GIT2: variants seen among roughly 807,000 people sequenced by gnomAD.
GIT2 encodes GIT ArfGAP 2.
GIT2 carries 32 observed loss-of-function variants against 100.3 expected under a neutral mutation model. The observed-to-expected ratio is 0.32, with a 90% CI of 0.24 to 0.43. The LOEUF is 0.43. GIT2 is among the 20% of genes least tolerant of loss of function. The pLI, the probability that GIT2 is intolerant of heterozygous loss-of-function variation, is 1.00. For synonymous variants in GIT2, 353 were observed against 364.1 expected, an observed-to-expected ratio of 0.97 and a Z score of 0.35; for missense variants, 737 against 975.1, an observed-to-expected ratio of 0.76 and a Z score of 3.25.
intron 4 of GIT2, 123 bp from the exon 5 acceptor site, chr12:109,983,817 G>A: frequency 1.5e-6 from 1 of 650,134 alleles, no homozygotes; most frequent in Non-Finnish European, 2.7e-6. Flanking sequence ...ATTTGTCTCG[G>A]TAAAGTGCAT....
chr12:109,967,336 A>T, intron 8 of GIT2, 122 bp downstream of exon 8: 1 of 1,597,794 alleles, frequency 6.3e-7, no homozygotes, highest in Non-Finnish European at 8.5e-7. Flanking sequence ...TCCAAATGGT[A>T]TAGCCATAAA....
chr12:109,981,062 A>G lies in GIT2; in HGVS notation c.624-16T>C, dbSNP rs749697263. On this transcript the variant is annotated splice_polypyrimidine_tract_variant and intron_variant, in intron 6 of 19. Coordinates refer to ENST00000355312, the MANE Select transcript of GIT2 (RefSeq NM_057169.5). ...CCCTCCTTGCCTACCAAGAGAAAAC[A>G]AAGTACCATTTATATTGCTCACTAT... The G allele has an allele frequency of 6.5e-7, 1 of 1,541,590 alleles. No homozygotes were observed. The highest frequency in any genetic ancestry group is 9.0e-7 in the Non-Finnish European group (1 of 1,113,578).
intron 7 of GIT2, among the ~76,000 whole-genome samples, chr12:109,975,598 G>T (rs936473866): frequency 3.9e-5 from 6 of 151,912 alleles, no homozygotes; most frequent in African/African-American, 1.2e-4. Flanking sequence ...CTATTGATAT[G>T]TACGGACTTA....
In GIT2 at chr12:109,947,506, T is replaced by C; in HGVS notation, c.1393-2A>G. 1 of 1,610,606 alleles carries C rather than the reference T, an allele frequency of 6.2e-7. No individual in the cohort carries two copies. Among genetic ancestry groups the C allele is most frequent in the African/African-American group, 1.3e-5 (1 of 74,920 alleles). On this transcript the variant is annotated splice_acceptor_variant, in intron 14 of 19. Coordinates refer to ENST00000355312, the MANE Select transcript of GIT2 (RefSeq NM_057169.5). LOFTEE classifies it high-confidence loss of function. This position sits in a 1 kb window ranked among gnomAD's most constrained non-coding sequence, Gnocchi z 4.3. ...ATTTTCACTCTGGAGTGTTTGAAGC[T>C]GAAAGAAATGTTTGGCAGTGGGACT...
At chr12:109,943,039 A>G (rs1875234471) in intron 16 of GIT2, 1 of 152,224 alleles carries the variant, frequency 6.6e-6, no homozygotes, top group African/African-American at 2.4e-5. Flanking sequence ...ATAGGTTTGC[A>G]GTTTTCTCTG....
chr12:109,969,817 G>A (rs1048195473), intron 7 of GIT2, among the ~76,000 whole-genome samples: 3 of 151,898 alleles, frequency 2.0e-5, no homozygotes, highest in African/African-American at 4.8e-5. Context: ...GTGCAGTGGT[G>A]TGATCTCGGT....
intron 7 of GIT2, among the ~76,000 whole-genome samples, chr12:109,969,535 T>C (rs1426705957): frequency 4.6e-5 from 7 of 152,168 alleles, no homozygotes; most frequent in African/African-American, 9.7e-5. Flanking sequence ...TTTGGTGTTA[T>C]ATTTAAGAGG....
rs139549885 is a variant in GIT2 at position 109,945,346 on chromosome 12, C to T, written c.1645G>A (p.Gly549Arg). ...MRLQPFPAHI[G>R]RSALVTSSSS... ...GAGGAGGTCACAAGTGCACTCCTCC[C>T]GATCTGGAATGGGAAAGAGAAACAC... is the stretch of plus-strand genomic sequence containing the variant. Residue 549 changes from glycine (G) to arginine (R), a missense_variant, in exon 16 of 20, where the codon GGG becomes AGG. Transcript: ENST00000355312. 115 of 1,467,460 alleles carry T rather than the reference C, an allele frequency of 7.8e-5. No homozygotes were observed. Among genetic ancestry groups the T allele is most frequent in the Non-Finnish European group, 1.1e-4 (113 of 1,047,808 alleles). 90.9% of individuals were successfully genotyped at this position (1,467,460 alleles called of 1,614,324 possible).
chr12:109,955,114 C>G (rs142205726), intron 12 of GIT2, among the ~76,000 whole-genome samples: 23 of 151,934 alleles, frequency 1.5e-4, no homozygotes, highest in African/African-American at 5.1e-4. Context: ...TCTTGTTATG[C>G]TTGGTAGTTA....
chr12:109,988,716 G>A (rs1034259704), intron 4 of GIT2, among the ~76,000 whole-genome samples: 1 of 151,842 alleles, frequency 6.6e-6, no homozygotes, highest in Non-Finnish European at 1.5e-5. Context: ...AGCTGGGCAT[G>A]GTGGCATGCG....
In GIT2 at chr12:109,996,305, G is replaced by A. The variant is rs757813637; in HGVS notation, c.-81C>T. On this transcript the variant is annotated 5_prime_UTR_variant, in exon 1 of 20. Coordinates refer to ENST00000355312, the MANE Select transcript of GIT2 (RefSeq NM_057169.5). ...GTGGCGGCGGCGCTTCCGCTCTAAC[G>A]GGTCCCAGCTGCGGCGGCGCTGACG... 1.0e-5 allele frequency: 10 copies of A among 982,854 alleles called. No individual in the cohort carries two copies. Among genetic ancestry groups the A allele is most frequent in the Non-Finnish European group, 1.4e-5 (9 of 666,158 alleles). 60.9% of individuals were successfully genotyped at this position (982,854 alleles called of 1,614,324 possible). A position where few individuals can be genotyped will look rare whatever the true frequency, so the allele number is the denominator to read the frequency against.
chr12:109,983,781 T>C (rs1426225864), intron 4 of GIT2, 87 bp from the exon 5 acceptor site: 2 of 786,000 alleles, frequency 2.5e-6, no homozygotes. Context: ...TTTTAATATA[T>C]GTTACATCAG....
At chr12:109,997,597 G>A (rs1216777395), upstream of GIT2, 1 of 152,168 alleles carries the variant, frequency 6.6e-6, no homozygotes, top group Non-Finnish European at 1.5e-5. Context: ...TAAAGAAAAA[G>A]AGGAAGAAGA....
At chr12:109,946,567 T>C (rs184582477) in intron 15 of GIT2, among the ~76,000 whole-genome samples, 46 of 152,322 alleles carry the variant, frequency 3.0e-4, no homozygotes, top group African/African-American at 1.1e-3. Flanking sequence ...AAAATAAGAT[T>C]GTAAGAACCC....
At chr12:109,956,328 C>T (rs937477317) in intron 12 of GIT2, among the ~76,000 whole-genome samples, 2 of 152,056 alleles carry the variant, frequency 1.3e-5, no homozygotes, top group African/African-American at 2.4e-5. Context: ...TGATCCTGGG[C>T]GGTAGGGGGC....
chr12:109,994,933 A>C (rs148778241), intron 1 of GIT2, among the ~76,000 whole-genome samples: 6 of 152,336 alleles, frequency 3.9e-5, no homozygotes, highest in African/African-American at 1.4e-4. Flanking sequence ...CTATCTTCAA[A>C]GGAAACTGGT....
At chr12:109,990,147 C>G (rs973507387) in intron 2 of GIT2, among the ~76,000 whole-genome samples, 6 of 152,182 alleles carry the variant, frequency 3.9e-5, no homozygotes, top group Non-Finnish European at 8.8e-5. Context: ...ATATTATTCA[C>G]TTAATATTTG....
intron 4 of GIT2, among the ~76,000 whole-genome samples, chr12:109,987,179 G>A (rs775576605): frequency 5.3e-5 from 8 of 151,458 alleles, no homozygotes; most frequent in African/African-American, 9.7e-5. Context: ...TCAGGAGATC[G>A]AGACCATCCT....
chr12:109,999,094 G>A (rs1327644168), upstream of GIT2: 2 of 152,282 alleles, frequency 1.3e-5, no homozygotes, highest in East Asian at 1.9e-4. The surrounding 1 kb of genome is among the most constrained non-coding windows in gnomAD (Gnocchi z 4.3). Context: ...GGCTGCAAGG[G>A]TGTCGGCAGC....
Sources: allele counts gnomAD v4.1 joint callset (sites outside exome capture counted in the v4.1 genomes callset), GRCh38; gene constraint gnomAD v4.1.1; non-coding constraint Gnocchi (gnomAD v3.1); transcripts MANE v1.5; gene names NCBI Gene and HGNC (gene_info 2026-07-23, HGNC 2026-07-21).